The following EPHA5 variants were observed in gnomAD, a reference collection of about 807,000 sequenced individuals.
EPHA5 encodes the protein ephrin type-A receptor 5.
EPHA5 carries 60 observed loss-of-function variants against 105.0 expected under a neutral mutation model. The ratio of observed to expected loss-of-function variants is 0.57; its 90% confidence interval spans 0.46 to 0.71. The LOEUF (loss-of-function observed/expected upper bound fraction) is 0.71, where lower values mean the gene tolerates loss of function less well. Among genes scored for constraint, EPHA5 ranks in the 30% least tolerant of loss-of-function variants. The probability of loss-of-function intolerance (pLI) is 0.00; values close to 1 mark genes in which losing one functional copy is unlikely to be tolerated. For synonymous variants in EPHA5, 513 were observed against 449.1 expected (o/e 1.14, Z -1.80); for missense variants, 1,218 against 1,274.7 (o/e 0.96, Z 0.68).
intron 5 of EPHA5, among the ~76,000 whole-genome samples, chr4:65,438,865 T>G (rs1002890310): frequency 5.3e-5 from 8 of 152,206 alleles, no homozygotes; most frequent in African/African-American, 1.9e-4. Flanking sequence ...ATATAATGTG[T>G]AACTATGAAA....
Position 65,669,672 on chromosome 4 carries a change from G to A in EPHA5, c.71C>T (p.Thr24Ile), listed in dbSNP as rs2149571736. The A allele has an allele frequency of 3.0e-6, 4 of 1,342,474 alleles. No homozygotes were observed. Among genetic ancestry groups the A allele is most frequent in the Non-Finnish European group, 3.8e-6 (4 of 1,042,050 alleles). The allele number at this position is 1,342,474 out of a possible 1,614,324, so 83.2% of individuals were successfully genotyped here. Residue 24 changes from threonine (T) to isoleucine (I), a missense_variant, in exon 1 of 17, where the codon ACC (threonine) becomes ATC (isoleucine). Thr to Ile is a moderately conservative substitution (Grantham distance 89). Transcript: ENST00000613740. The stretch of plus-strand genomic sequence containing the variant: ...GTAGCAGCCGGCCAGGGACGCTGGG[G>A]TGATGGGGGTGTCGCCGCCGCCGCT... ...PPSGGGDTPI[T>I]PASLAGCYSA...
At chr4:65,569,853 C>T (rs908024872) in intron 3 of EPHA5, among the ~76,000 whole-genome samples, 2 of 151,704 alleles carry the variant, frequency 1.3e-5, no homozygotes, top group African/African-American at 4.8e-5. Flanking sequence ...ATACCCTCAT[C>T]CTCCATTTCT....
At chr4:65,387,591 G>A (rs1419801284) in intron 8 of EPHA5, among the ~76,000 whole-genome samples, 2 of 151,726 alleles carry the variant, frequency 1.3e-5, no homozygotes, top group Non-Finnish European at 2.9e-5. Flanking sequence ...GCCTTACCCT[G>A]GCCCACTACT....
intron 5 of EPHA5, among the ~76,000 whole-genome samples, chr4:65,479,606 A>G (rs1730156302): frequency 6.6e-6 from 1 of 152,166 alleles, no homozygotes; most frequent in African/African-American, 2.4e-5. Context: ...TGTATCCTCA[A>G]TTAAAATGAC....
intron 5 of EPHA5, among the ~76,000 whole-genome samples, chr4:65,424,874 A>G (rs896152643): frequency 6.6e-6 from 1 of 152,128 alleles, no homozygotes; most frequent in Non-Finnish European, 1.5e-5. Flanking sequence ...TACACTTAGT[A>G]TAGAACAATA....
chr4:65,599,987 G>T (rs763673892), intron 3 of EPHA5, among the ~76,000 whole-genome samples: 1 of 152,116 alleles, frequency 6.6e-6, no homozygotes, highest in African/African-American at 2.4e-5. Flanking sequence ...AATGACAAAG[G>T]TCATGGTGGT....
intron 5 of EPHA5, among the ~76,000 whole-genome samples, chr4:65,435,644 G>T (rs1224240828): frequency 6.6e-6 from 1 of 152,004 alleles, no homozygotes; most frequent in Non-Finnish European, 1.5e-5. Flanking sequence ...CATTATGGCT[G>T]CTGGAAACCC....
rs538153965 is a variant in EPHA5 at position 65,573,950 on chromosome 4, T to G, written c.910+27691A>C. On this transcript the variant is annotated intron_variant, in intron 3 of 16. Coordinates refer to ENST00000613740, the MANE Select transcript of EPHA5 (RefSeq NM_001281766.3). ...GACGCCACAGGGGCAAGAGGGTGGT[T>G]TTCCTGAAGCAGCTGGCTAGTGGCT... is the stretch of plus-strand genomic sequence containing the variant. 4.5e-3 allele frequency: 7,160 copies of G among 1,591,268 alleles called. 14 individuals carry two copies. Among genetic ancestry groups the G allele is most frequent in the Non-Finnish European group, 5.5e-3 (6,402 of 1,159,504 alleles).
intron 5 of EPHA5, among the ~76,000 whole-genome samples, chr4:65,448,273 G>C (rs1321717367): frequency 6.7e-6 from 1 of 149,938 alleles, no homozygotes; most frequent in Non-Finnish European, 1.5e-5. Flanking sequence ...AAAAAAAAAA[G>C]GACAGAAAAA....
chr4:65,574,697 T>TATATATATAC, intron 3 of EPHA5, among the ~76,000 whole-genome samples: 1 of 64,856 alleles, frequency 1.5e-5, no homozygotes, highest in African/African-American at 5.0e-5. Flanking sequence ...TACATATATA[T>TATATATATAC]ACATATATAT....
At chr4:65,660,272 T>C (rs1175401523) in intron 1 of EPHA5, among the ~76,000 whole-genome samples, 2 of 152,170 alleles carry the variant, frequency 1.3e-5, no homozygotes, top group African/African-American at 4.8e-5. Flanking sequence ...TTTCCATTTA[T>C]TTCCTAATCA....
chr4:65,639,138 T>A (rs1384052746), intron 2 of EPHA5, among the ~76,000 whole-genome samples: 1 of 152,118 alleles, frequency 6.6e-6, no homozygotes, highest in East Asian at 1.9e-4. Context: ...AATCAAATAA[T>A]CAGTTTATGT....
At chr4:65,522,238 T>G (rs1734803261) in intron 3 of EPHA5, among the ~76,000 whole-genome samples, 1 of 151,384 alleles carries the variant, frequency 6.6e-6, no homozygotes, top group Non-Finnish European at 1.5e-5. Context: ...TTCCTGCTTC[T>G]TCCCTAGTCT....
At chr4:65,573,849 A>T in intron 3 of EPHA5, 2 of 1,613,570 alleles carry the variant, frequency 1.2e-6, no homozygotes, top group Non-Finnish European at 1.7e-6. Context: ...CCACGGCAAA[A>T]AAAAACCCTT....
chr4:65,353,990 C>G (rs1723070152), intron 11 of EPHA5, among the ~76,000 whole-genome samples: 1 of 151,730 alleles, frequency 6.6e-6, no homozygotes, highest in Non-Finnish European at 1.5e-5. Context: ...TGGACAGACT[C>G]TAGAGCCATA....
At position 65,323,439 on chromosome 4, in the gene EPHA5, G is replaced by C. The variant is rs182262264; in HGVS notation, c.*675C>G. ...TCCTGGGTATATTGCAAATTATACA[G>C]TATATACACATTTATTACCTAATAA... On this transcript the variant is annotated 3_prime_UTR_variant, in exon 17 of 17. Coordinates refer to ENST00000613740, the MANE Select transcript of EPHA5 (RefSeq NM_001281766.3). The C allele has an allele frequency of 4.1e-3, 942 of 230,010 alleles. 4 individuals carry two copies. Among genetic ancestry groups the C allele is most frequent in the Middle Eastern group, 0.013 (10 of 772 alleles). 14.2% of individuals were successfully genotyped at this position (230,010 alleles called of 1,614,324 possible).
intron 3 of EPHA5, among the ~76,000 whole-genome samples, chr4:65,531,427 G>A (rs1735786095): frequency 6.6e-6 from 1 of 152,180 alleles, no homozygotes; most frequent in African/African-American, 2.4e-5. Flanking sequence ...TAGAACAGGA[G>A]TTTCTTTAAG....
chr4:65,456,322 A>ATTTT (rs201174135), intron 5 of EPHA5, among the ~76,000 whole-genome samples: 1 of 147,726 alleles, frequency 6.8e-6, no homozygotes. Flanking sequence ...CTGTTCTTCG[A>ATTTT]TTTTTTTTTT....
chr4:65,619,233 T>C lies in EPHA5; in HGVS notation c.247-16929A>G, dbSNP rs568275264. Reference sequence around the variant, plus strand: ...TTGATAACACATTACTTCATAGACATTTGCACTAATCTATAATAAACAATT... The same window carrying C: ...TTGATAACACATTACTTCATAGACACTTGCACTAATCTATAATAAACAATT... On this transcript the variant is annotated intron_variant, in intron 2 of 16. Coordinates refer to ENST00000613740, the MANE Select transcript of EPHA5 (RefSeq NM_001281766.3). 2.2e-4 allele frequency among the ~76,000 whole-genome samples: 34 copies of C among 152,292 alleles called. 1 individual carries two copies. Among genetic ancestry groups the C allele is most frequent in the South Asian group, 1.7e-3 (8 of 4,828 alleles).
Sources: allele counts gnomAD v4.1 joint callset (sites outside exome capture counted in the v4.1 genomes callset), GRCh38; gene constraint gnomAD v4.1.1; transcripts MANE v1.5; gene names NCBI Gene and HGNC (gene_info 2026-07-23, HGNC 2026-07-21).